The following OR14I1 variants were observed in gnomAD, a reference collection of about 807,000 sequenced individuals.
OR14I1 encodes the protein olfactory receptor 14I1.
For missense variants in OR14I1, 279 were observed against 181.8 expected (o/e 1.53, Z -3.07); for synonymous variants, 118 against 71.1 (o/e 1.66, Z -3.32).
chr1:248,688,811 G>C, the OR14I1 span, among the ~76,000 whole-genome samples: 1 of 152,138 alleles, frequency 6.6e-6, no homozygotes, highest in Non-Finnish European at 1.5e-5. Flanking sequence ...ATTAAAGAGA[G>C]AAAACAGAAA....
the OR14I1 span, among the ~76,000 whole-genome samples, chr1:248,693,350 T>C: frequency 3.9e-5 from 6 of 152,212 alleles, 1 homozygote; most frequent in Admixed American, 3.9e-4. Context: ...AAAGTTCTCA[T>C]CTTTCCTTTG....
At chr1:248,688,079 C>T in the OR14I1 span, among the ~76,000 whole-genome samples, 1 of 152,158 alleles carries the variant, frequency 6.6e-6, no homozygotes, top group African/African-American at 2.4e-5. Context: ...CTTACTTCTA[C>T]TTCTGATGAG....
At chr1:248,685,066 G>A (rs1661624837), upstream of OR14I1, among the ~76,000 whole-genome samples, 1 of 151,702 alleles carries the variant, frequency 6.6e-6, no homozygotes. Flanking sequence ...ACTTTTGTGT[G>A]TTATAAATTG....
chr1:248,699,578 G>T, the OR14I1 span, among the ~76,000 whole-genome samples: 1 of 152,080 alleles, frequency 6.6e-6, no homozygotes. Context: ...CAAGTATATG[G>T]GCCTGGCTGG....
the OR14I1 span, among the ~76,000 whole-genome samples, chr1:248,695,079 C>CA: frequency 6.6e-6 from 1 of 151,980 alleles, no homozygotes; most frequent in Non-Finnish European, 1.5e-5. Flanking sequence ...TGGAAAGAGA[C>CA]AAAAGGGGAT....
At chr1:248,698,979 T>A in the OR14I1 span, 1 of 152,194 alleles carries the variant, frequency 6.6e-6, no homozygotes, top group Admixed American at 6.5e-5. Flanking sequence ...AAATCAGCCA[T>A]CAGAAATGGG....
At chr1:248,688,998 G>A in the OR14I1 span, among the ~76,000 whole-genome samples, 1 of 152,258 alleles carries the variant, frequency 6.6e-6, no homozygotes, top group Admixed American at 6.5e-5. Flanking sequence ...AGACAGGCCA[G>A]GTCCATCAGA....
chr1:248,687,767 C>A, the OR14I1 span, among the ~76,000 whole-genome samples: 2 of 152,218 alleles, frequency 1.3e-5, no homozygotes, highest in Non-Finnish European at 2.9e-5. Context: ...TGCTTGCCTA[C>A]AGCTAGACAT....
At chr1:248,695,279 G>A in the OR14I1 span, among the ~76,000 whole-genome samples, 1 of 147,612 alleles carries the variant, frequency 6.8e-6, no homozygotes, top group Non-Finnish European at 1.5e-5. Flanking sequence ...TGTCGCCCGG[G>A]CTGGAGTGCA....
downstream of OR14I1, among the ~76,000 whole-genome samples, chr1:248,680,683 T>C (rs1661544321): frequency 6.6e-6 from 1 of 152,094 alleles, no homozygotes. Context: ...TTAACACAGG[T>C]GTAGAAACTG....
At chr1:248,687,989 T>C in the OR14I1 span, among the ~76,000 whole-genome samples, 1 of 152,268 alleles carries the variant, frequency 6.6e-6, no homozygotes, top group East Asian at 1.9e-4. Flanking sequence ...GCCACTTAAA[T>C]GGCTAAAGCT....
At chr1:248,681,717 C>T (rs777912965) in exon 1 of OR14I1, 14 of 780,884 alleles carry the variant, frequency 1.8e-5, no homozygotes, top group Admixed American at 8.5e-5. Context: ...GGGCCAGGGT[C>T]AAAAACTCTA....
chr1:248,692,560 C>G, the OR14I1 span: 1 of 152,660 alleles, frequency 6.6e-6, no homozygotes, highest in African/African-American at 2.4e-5. Flanking sequence ...CCACATTCCC[C>G]TTTGCATTCT....
At chr1:248,699,806 T>G in the OR14I1 span, among the ~76,000 whole-genome samples, 1 of 152,224 alleles carries the variant, frequency 6.6e-6, no homozygotes, top group Non-Finnish European at 1.5e-5. Flanking sequence ...TCGCCCAGGC[T>G]GGAGTGCAGT....
chr1:248,693,854 C>G, the OR14I1 span, among the ~76,000 whole-genome samples: 2 of 150,982 alleles, frequency 1.3e-5, no homozygotes, highest in Admixed American at 6.6e-5. Context: ...ATTAACTTGC[C>G]TGGTATGCTC....
At chr1:248,691,565 G>T in the OR14I1 span, among the ~76,000 whole-genome samples, 2 of 152,230 alleles carry the variant, frequency 1.3e-5, no homozygotes, top group African/African-American at 2.4e-5. Flanking sequence ...AGACATTCCA[G>T]CTCCTCCAAG....
chr1:248,682,463 G>A (rs1661584594), upstream of OR14I1, among the ~76,000 whole-genome samples: 2 of 152,216 alleles, frequency 1.3e-5, no homozygotes, highest in Non-Finnish European at 2.9e-5. Context: ...AATGGTGGGA[G>A]ATTTTTAACA....
the OR14I1 span, among the ~76,000 whole-genome samples, chr1:248,698,526 C>A: frequency 6.6e-6 from 1 of 152,212 alleles, no homozygotes; most frequent in African/African-American, 2.4e-5. Context: ...CTAACAAAGT[C>A]ATTAGGACTT....
chr1:248,693,228 G>C, the OR14I1 span, among the ~76,000 whole-genome samples: 2 of 152,156 alleles, frequency 1.3e-5, no homozygotes, highest in African/African-American at 4.8e-5. Context: ...ACGGCCAGGA[G>C]CACTGACTGT....
Sources: allele counts gnomAD v4.1 joint callset (sites outside exome capture counted in the v4.1 genomes callset), GRCh38; gene constraint gnomAD v4.1.1; transcripts MANE v1.5; gene names NCBI Gene and HGNC (gene_info 2026-07-23, HGNC 2026-07-21).